Variants in XRCC4 observed in about 807,000 individuals in gnomAD.
The protein encoded by XRCC4 is X-ray repair cross complementing 4.
Under a neutral mutation model 39.1 loss-of-function variants are expected in XRCC4, and 28 were observed. The ratio of observed to expected loss-of-function variants is 0.72; its 90% confidence interval spans 0.53 to 0.98. The LOEUF is 0.98. Among genes scored for constraint, XRCC4 ranks in the 50% least tolerant of loss-of-function variants. The pLI is 0.00. For synonymous variants in XRCC4, 123 were observed against 126.4 expected, an observed-to-expected ratio of 0.97 and a Z score of 0.18; for missense variants, 350 against 376.4, an observed-to-expected ratio of 0.93 and a Z score of 0.58.
At chr5:83,145,632 C>T (rs933946472) in intron 3 of XRCC4, among the ~76,000 whole-genome samples, 49 of 152,280 alleles carry the variant, frequency 3.2e-4, no homozygotes, top group African/African-American at 1.1e-3. Context: ...CTCTCCTCTG[C>T]TTCTTCCTTT....
chr5:83,117,422 T>C lies in XRCC4; in HGVS notation c.315+6219T>C, dbSNP rs551300213. ...CATCTTAATGAATAATGTATTCATC[T>C]TCCTTTTTTGCTTTCATATCTCACT... On this transcript the variant is annotated intron_variant, in intron 3 of 7. Coordinates refer to ENST00000396027, the MANE Select transcript of XRCC4 (RefSeq NM_003401.5). Among the ~76,000 whole-genome samples, 139 of 152,346 alleles carry C rather than the reference T, an allele frequency of 9.1e-4. 1 individual carries two copies. Among genetic ancestry groups the C allele is most frequent in the Admixed American group, 8.7e-3 (133 of 15,294 alleles).
At chr5:83,078,900 A>G (rs186329450) in intron 1 of XRCC4, among the ~76,000 whole-genome samples, 1 of 152,196 alleles carries the variant, frequency 6.6e-6, no homozygotes, top group African/African-American at 2.4e-5. Context: ...TTTATATTAT[A>G]CCTTTTAGGT....
intron 7 of XRCC4, among the ~76,000 whole-genome samples, chr5:83,312,890 G>A (rs184828740): frequency 6.6e-6 from 1 of 152,212 alleles, no homozygotes; most frequent in East Asian, 1.9e-4. Flanking sequence ...TAGTGAAATT[G>A]TCTTGACTTT....
intron 3 of XRCC4, among the ~76,000 whole-genome samples, chr5:83,135,525 A>C (rs1416953873): frequency 6.8e-6 from 1 of 146,482 alleles, no homozygotes; most frequent in Non-Finnish European, 1.5e-5. Flanking sequence ...TAGTTTTTCT[A>C]TTTTCTTTTC....
chr5:83,131,730 T>C (rs1452249085), intron 3 of XRCC4, among the ~76,000 whole-genome samples: 1 of 152,130 alleles, frequency 6.6e-6, no homozygotes, highest in Non-Finnish European at 1.5e-5. Flanking sequence ...TTCCATTTGC[T>C]TGGTGGATCT....
intron 7 of XRCC4, among the ~76,000 whole-genome samples, chr5:83,263,917 G>T (rs969661953): frequency 6.6e-6 from 1 of 151,664 alleles, no homozygotes; most frequent in Non-Finnish European, 1.5e-5. Flanking sequence ...TGAAGTCCTT[G>T]CCCATGCCTA....
intron 3 of XRCC4, among the ~76,000 whole-genome samples, chr5:83,183,739 G>A (rs1553685): frequency 0.015 from 2,276 of 152,078 alleles, 74 homozygotes; most frequent in African/African-American, 0.052. Context: ...CTACCTCATT[G>A]TTAACTTTTC....
intron 1 of XRCC4, among the ~76,000 whole-genome samples, chr5:83,103,589 A>G (rs917257203): frequency 1.3e-5 from 2 of 152,184 alleles, no homozygotes; most frequent in African/African-American, 4.8e-5. Flanking sequence ...AGAAATGCAT[A>G]TGTATTTGCT....
At chr5:83,236,296 C>T (rs1752684595) in intron 6 of XRCC4, among the ~76,000 whole-genome samples, 1 of 152,074 alleles carries the variant, frequency 6.6e-6, no homozygotes, top group Non-Finnish European at 1.5e-5. Flanking sequence ...GAAGGCAACA[C>T]ATAACCTTAC....
intron 1 of XRCC4, among the ~76,000 whole-genome samples, chr5:83,090,180 A>G (rs1016088769): frequency 4.6e-5 from 7 of 152,074 alleles, no homozygotes; most frequent in Non-Finnish European, 8.8e-5. Context: ...GCCTCCTGAT[A>G]TGGTTTGGCT....
At chr5:83,168,510 T>C (rs1288585434) in intron 3 of XRCC4, among the ~76,000 whole-genome samples, 1 of 152,118 alleles carries the variant, frequency 6.6e-6, no homozygotes, top group Non-Finnish European at 1.5e-5. Context: ...TTTAACAAGG[T>C]TACTACTATA....
chr5:83,325,243 A>G (rs1028264379), intron 7 of XRCC4, among the ~76,000 whole-genome samples: 2 of 151,976 alleles, frequency 1.3e-5, no homozygotes, highest in African/African-American at 2.4e-5. Context: ...TTTTCTTCCA[A>G]ATTTCATTTT....
chr5:83,081,115 TG>T (rs1208580273), intron 1 of XRCC4, among the ~76,000 whole-genome samples: 1 of 152,210 alleles, frequency 6.6e-6, no homozygotes, highest in Non-Finnish European at 1.5e-5. Context: ...CACGGGGCCT[TG>T]GGATATACAC....
chr5:83,152,794 T>C (rs10037579), intron 3 of XRCC4, among the ~76,000 whole-genome samples: 1 of 152,210 alleles, frequency 6.6e-6, no homozygotes, highest in Non-Finnish European at 1.5e-5. Context: ...TTTACAGAGA[T>C]CCTGTGTGTA....
chr5:83,321,495 C>T (rs1226404774), intron 7 of XRCC4, among the ~76,000 whole-genome samples: 1 of 152,140 alleles, frequency 6.6e-6, no homozygotes, highest in Non-Finnish European at 1.5e-5. Context: ...TAGAAAATCT[C>T]AGATTAAATT....
chr5:83,280,450 G>C (rs770991435), intron 7 of XRCC4: 10 of 705,564 alleles, frequency 1.4e-5, no homozygotes, highest in Admixed American at 1.0e-4. Flanking sequence ...GAAAGTTCTT[G>C]CACATATCTC....
chr5:83,271,702 C>G (rs910273091), intron 7 of XRCC4, among the ~76,000 whole-genome samples: 2 of 152,102 alleles, frequency 1.3e-5, no homozygotes, highest in African/African-American at 4.8e-5. Flanking sequence ...ATCATATTCT[C>G]TCTATTCCCC....
intron 3 of XRCC4, among the ~76,000 whole-genome samples, chr5:83,116,453 CTT>C (rs1287369340): frequency 6.6e-6 from 1 of 151,982 alleles, no homozygotes; most frequent in Non-Finnish European, 1.5e-5. Context: ...GAATATCTAA[CTT>C]ATATAAGAAT....
chr5:83,282,178 T>C (rs1027359973), intron 7 of XRCC4, among the ~76,000 whole-genome samples: 12 of 152,162 alleles, frequency 7.9e-5, no homozygotes, highest in Non-Finnish European at 4.4e-5. Flanking sequence ...GCAAATGGTT[T>C]GGGGAGAGAC....
Sources: allele counts gnomAD v4.1 joint callset (sites outside exome capture counted in the v4.1 genomes callset), GRCh38; gene constraint gnomAD v4.1.1; transcripts MANE v1.5; gene names NCBI Gene and HGNC (gene_info 2026-07-23, HGNC 2026-07-21).